ASAH2: variants seen among roughly 807,000 people sequenced by gnomAD.
The protein encoded by ASAH2 is N-acylsphingosine amidohydrolase 2, also known as neutral ceramidase.
Under a neutral mutation model 82.9 loss-of-function variants are expected in ASAH2, and 58 were observed. The ratio of observed to expected loss-of-function variants is 0.70; its 90% CI spans 0.57 to 0.87. The LOEUF is 0.87. Among genes scored for constraint, ASAH2 ranks in the 40% least tolerant of loss-of-function variants. ASAH2 has a pLI of 0.00. For missense variants in ASAH2, 779 were observed against 834.0 expected (o/e 0.93, Z 0.81); for synonymous variants, 276 against 289.7 (o/e 0.95, Z 0.48).
chr10:50,198,272 T>A (rs1845044259), intron 17 of ASAH2: 1 of 140,550 alleles, frequency 7.1e-6, no homozygotes, highest in East Asian at 2.2e-4. Context: ...CTTATTATTT[T>A]AAGCTCTTTA....
chr10:50,222,002 G>A (rs887927818), intron 7 of ASAH2, among the ~76,000 whole-genome samples: 1 of 152,182 alleles, frequency 6.6e-6, no homozygotes, highest in African/African-American at 2.4e-5. Context: ...AATAACATCT[G>A]CAAAGGCATG....
chr10:50,218,665 A>G, intron 7 of ASAH2, 35 bp from the exon 8 acceptor site: 2 of 1,613,476 alleles, frequency 1.2e-6, no homozygotes, highest in Non-Finnish European at 1.7e-6. Context: ...ATTAATCAGG[A>G]GAACGAGAGA....
At chr10:50,211,405 G>C (rs1217897587) in intron 10 of ASAH2, among the ~76,000 whole-genome samples, 4 of 152,122 alleles carry the variant, frequency 2.6e-5, no homozygotes, top group African/African-American at 9.7e-5. Context: ...TGGCACAAAA[G>C]GCCTCAATCT....
intron 14 of ASAH2, among the ~76,000 whole-genome samples, chr10:50,204,147 C>G (rs986884897): frequency 1.4e-4 from 21 of 151,730 alleles, no homozygotes; most frequent in African/African-American, 4.8e-4. Context: ...GAGGATTTAC[C>G]TGGAATGAAA....
intron 4 of ASAH2, 79 bp downstream of exon 4, chr10:50,243,122 GA>G: frequency 6.7e-7 from 1 of 1,502,928 alleles, no homozygotes; most frequent in Non-Finnish European, 9.2e-7. Context: ...AAACCAAGAG[GA>G]ATTATTTCCT....
At chr10:50,218,702 G>A (rs1845673069) in intron 7 of ASAH2, 72 bp from the exon 8 acceptor site, 1 of 1,573,156 alleles carries the variant, frequency 6.4e-7, no homozygotes, top group South Asian at 1.1e-5. Context: ...ATGACTGGGA[G>A]CTTAAGTTTT....
At chr10:50,217,204 C>T (rs1018725813) in intron 8 of ASAH2, among the ~76,000 whole-genome samples, 5 of 151,268 alleles carry the variant, frequency 3.3e-5, no homozygotes, top group East Asian at 1.9e-4. Flanking sequence ...TCTCTTTGCA[C>T]ATCCTAGTTC....
intron 16 of ASAH2, among the ~76,000 whole-genome samples, chr10:50,200,583 A>AT (rs1237116195): frequency 2.0e-5 from 3 of 151,920 alleles, no homozygotes; most frequent in African/African-American, 7.2e-5. Flanking sequence ...CTTTCTCTTT[A>AT]TTTTTATAAC....
At chr10:50,216,016 A>G (rs1448846021) in intron 8 of ASAH2, among the ~76,000 whole-genome samples, 1 of 152,194 alleles carries the variant, frequency 6.6e-6, no homozygotes, top group Non-Finnish European at 1.5e-5. Flanking sequence ...TTGCAGGGAC[A>G]TGGACGAAGC....
rs544968746 is a variant in ASAH2, at chr10:50,206,537, TAC to T, written c.1415-442_1415-441del. ...ATAATTTCTCCTGAATTTAGTTATC[TAC>T]ACACACACACACACACACACACACA... is the stretch of plus-strand genomic sequence containing the variant. On this transcript the variant is annotated intron_variant, in intron 12 of 20. Coordinates refer to ENST00000682911, the MANE Select transcript of ASAH2 (RefSeq NM_019893.4). 8.2e-3 allele frequency among the ~76,000 whole-genome samples: 1,072 copies of T among 130,806 alleles called. 4 individuals are homozygous for T. The highest frequency in any genetic ancestry group is 0.016 in the Admixed American group (198 of 12,772). 85.8% of individuals were successfully genotyped at this position (130,806 alleles called of 152,430 possible). A position where few individuals can be genotyped will look rare whatever the true frequency, so the allele number is the denominator to read the frequency against.
chr10:50,203,404 C>T (rs1589325347), intron 15 of ASAH2, among the ~76,000 whole-genome samples: 1 of 151,896 alleles, frequency 6.6e-6, no homozygotes, highest in East Asian at 1.9e-4. Flanking sequence ...TTAATGTATA[C>T]AAACATTATC....
Position 50,210,818 on chromosome 10 carries a change from C to A in ASAH2, c.1414+5G>T. ...AACCATAGATTTTACTGGACTTCAC[C>A]TTACCCTGTGTAAAATTGAGGCCTC... On this transcript the variant is annotated splice_donor_5th_base_variant and intron_variant, in intron 12 of 20. Coordinates refer to ENST00000682911, the MANE Select transcript of ASAH2 (RefSeq NM_019893.4). 1 of 1,607,404 alleles carries A rather than the reference C, an allele frequency of 6.2e-7. No individual in the cohort carries two copies. The highest frequency in any genetic ancestry group is 1.7e-5 in the Admixed American group (1 of 59,980).
chr10:50,218,759 C>A lies in ASAH2; in HGVS notation c.894-129G>T, dbSNP rs1845674092. The A allele has an allele frequency of 6.9e-6, 7 of 1,013,644 alleles. No homozygotes were observed. In the South Asian group the frequency reaches 9.6e-5, roughly 14 times the overall value. 62.8% of individuals were successfully genotyped at this position (1,013,644 alleles called of 1,614,324 possible). A position where few individuals can be genotyped will look rare whatever the true frequency, so the allele number is the denominator to read the frequency against. ...TTAAATAATAGACATTCTACATCTA[C>A]ATTCTTTCATTGTTCATGGGCTTAA... On this transcript the variant is annotated intron_variant, in intron 7 of 20. Transcript: ENST00000682911.
At chr10:50,202,752 C>A in intron 16 of ASAH2, 77 bp downstream of exon 16, 3 of 1,041,682 alleles carry the variant, frequency 2.9e-6, no homozygotes, top group Non-Finnish European at 3.0e-6. Context: ...GGAAAGTTTA[C>A]AAAGCAAGTC....
intron 14 of ASAH2, among the ~76,000 whole-genome samples, chr10:50,204,558 C>T (rs1324784195): frequency 1.3e-5 from 2 of 151,928 alleles, no homozygotes; most frequent in African/African-American, 4.8e-5. Flanking sequence ...ATTTCAAGTA[C>T]CTGTATTTTA....
intron 4 of ASAH2, among the ~76,000 whole-genome samples, chr10:50,242,066 G>A (rs1322435200): frequency 1.3e-5 from 2 of 151,982 alleles, no homozygotes; most frequent in African/African-American, 4.8e-5. Flanking sequence ...GTGGACTCTG[G>A]GATTAACCAT....
intron 8 of ASAH2, among the ~76,000 whole-genome samples, chr10:50,217,787 T>C (rs1845644946): frequency 6.6e-6 from 1 of 152,146 alleles, no homozygotes; most frequent in South Asian, 2.1e-4. Flanking sequence ...TAAGGGAATA[T>C]TAATTGTAGG....
chr10:50,226,565 G>T (rs1179063630), intron 7 of ASAH2, among the ~76,000 whole-genome samples: 8 of 152,208 alleles, frequency 5.3e-5, no homozygotes, highest in African/African-American at 1.7e-4. Context: ...TGTCAATGTA[G>T]GTTCATCAGT....
At chr10:50,227,852 A>G (rs1845929634) in intron 7 of ASAH2, among the ~76,000 whole-genome samples, 2 of 152,096 alleles carry the variant, frequency 1.3e-5, no homozygotes, top group South Asian at 4.1e-4. Context: ...ACCTTCACCT[A>G]CGGGGCAGGG....
Sources: allele counts gnomAD v4.1 joint callset (sites outside exome capture counted in the v4.1 genomes callset), GRCh38; gene constraint gnomAD v4.1.1; transcripts MANE v1.5; gene names NCBI Gene and HGNC (gene_info 2026-07-23, HGNC 2026-07-21).